Variants in ASB5 observed in about 807,000 individuals in gnomAD.
ASB5 encodes the protein ankyrin repeat and SOCS box protein 5.
ASB5 carries 45 observed loss-of-function variants against 42.1 expected under a neutral mutation model. The observed-to-expected ratio is 1.07, with a 90% confidence interval of 0.84 to 1.37. The LOEUF is 1.37. Among genes scored for constraint, ASB5 ranks in the 40% most tolerant of loss-of-function variants. ASB5 has a pLI of 0.00. For missense variants in ASB5, 402 were observed against 399.8 expected, an observed-to-expected ratio of 1.01 and a Z score of -0.05; for synonymous variants, 147 against 150.6, an observed-to-expected ratio of 0.98 and a Z score of 0.18.
chr4:176,272,049 C>A (rs1317514775), upstream of ASB5, among the ~76,000 whole-genome samples: 14 of 152,168 alleles, frequency 9.2e-5, no homozygotes, highest in East Asian at 2.5e-3. Context: ...CTCCAGTAAG[C>A]TGCATACATG....
chr4:176,262,209 G>A (rs1486674377), intron 1 of ASB5, among the ~76,000 whole-genome samples: 3 of 151,952 alleles, frequency 2.0e-5, no homozygotes, highest in South Asian at 2.1e-4. Flanking sequence ...ATTTTAAAAC[G>A]TTGACAATAT....
At chr4:176,226,829 G>A (rs947872173) in intron 1 of ASB5, among the ~76,000 whole-genome samples, 3 of 152,190 alleles carry the variant, frequency 2.0e-5, no homozygotes, top group East Asian at 1.9e-4. Flanking sequence ...TGGGCTCTGC[G>A]GTGTAGGGGC....
chr4:176,258,276 G>A (rs1396757813), intron 1 of ASB5, among the ~76,000 whole-genome samples: 1 of 152,122 alleles, frequency 6.6e-6, no homozygotes, highest in East Asian at 1.9e-4. Context: ...ATCTACAGAC[G>A]TTAAGCAACT....
At chr4:176,222,999 T>C (rs576082840) in intron 2 of ASB5, among the ~76,000 whole-genome samples, 7 of 152,166 alleles carry the variant, frequency 4.6e-5, no homozygotes, top group Admixed American at 2.6e-4. Context: ...AGGATGGTCT[T>C]GATCTCCTGA....
intron 4 of ASB5, 48 bp from the exon 5 acceptor site, chr4:176,221,337 C>T (rs34466424): frequency 0.2 from 326,882 of 1,606,184 alleles, 36,611 homozygotes; most frequent in Non-Finnish European, 0.23. Context: ...ATCCACCCCA[C>T]ACACCTCACC....
chr4:176,217,869 A>G (rs894710952), intron 5 of ASB5, among the ~76,000 whole-genome samples: 1 of 152,140 alleles, frequency 6.6e-6, no homozygotes, highest in Admixed American at 6.6e-5. Context: ...TTCCGATACT[A>G]TCTTTAAAAC....
Position 176,226,452 on chromosome 4 carries a change from C to T in ASB5, c.197-1111G>A, listed in dbSNP as rs1022928833. 3.3e-5 allele frequency among the ~76,000 whole-genome samples: 5 copies of T among 152,202 alleles called. No individual in the cohort carries two copies. The South Asian group carries it at 1.0e-3, about 32-fold the overall frequency. ...TTGGACTGAGCCACGCTACCTCATC[C>T]CAGGGTCTCCAGCTTGCAGACAGCC... On this transcript the variant is annotated intron_variant, in intron 1 of 6. Coordinates refer to ENST00000296525, the MANE Select transcript of ASB5 (RefSeq NM_080874.4).
intron 1 of ASB5, among the ~76,000 whole-genome samples, chr4:176,244,096 A>G (rs1327222955): frequency 1.3e-5 from 2 of 152,098 alleles, no homozygotes; most frequent in African/African-American, 4.8e-5. Context: ...CACCATTTCT[A>G]TGTTTCTTTG....
At chr4:176,232,244 A>G (rs1204025763) in intron 1 of ASB5, among the ~76,000 whole-genome samples, 1 of 151,400 alleles carries the variant, frequency 6.6e-6, no homozygotes, top group Non-Finnish European at 1.5e-5. Flanking sequence ...TGCCTCAGCC[A>G]CCCAAGTAGC....
At position 176,213,893 on chromosome 4, in the gene ASB5, C is replaced by CTT. The variant is rs958204140; in HGVS notation, c.*1705_*1706dup. 1.3e-5 allele frequency: 2 copies of CTT among 152,072 alleles called. No individual in the cohort carries two copies. Among genetic ancestry groups the CTT allele is most frequent in the Non-Finnish European group, 2.9e-5 (2 of 67,944 alleles). 9.4% of individuals were successfully genotyped at this position (152,072 alleles called of 1,614,324 possible). A position where few individuals can be genotyped will look rare whatever the true frequency, so the allele number is the denominator to read the frequency against. ...GTTGTATTACTCTTAAAATCTAAGA[C>CTT]TTCTCCTCTAGCTCAGGGAAAATAC... On this transcript the variant is annotated 3_prime_UTR_variant, in exon 7 of 7. Transcript: ENST00000296525.
chr4:176,234,570 G>A (rs1753636743), intron 1 of ASB5, among the ~76,000 whole-genome samples: 1 of 152,134 alleles, frequency 6.6e-6, no homozygotes, highest in Admixed American at 6.5e-5. Flanking sequence ...ACCTTAGAAA[G>A]CGAGACTCAG....
At chr4:176,244,220 C>T (rs1474852531) in intron 1 of ASB5, among the ~76,000 whole-genome samples, 2 of 152,078 alleles carry the variant, frequency 1.3e-5, no homozygotes, top group African/African-American at 4.8e-5. Context: ...AAATTTTATT[C>T]AGACTCAAGC....
intron 1 of ASB5, among the ~76,000 whole-genome samples, chr4:176,226,878 G>T (rs570937934): frequency 2.6e-5 from 4 of 152,206 alleles, no homozygotes; most frequent in Admixed American, 2.0e-4. Flanking sequence ...GCTGAGCCCC[G>T]CGTCTGAAGT....
chr4:176,258,553 G>T (rs763116117), intron 1 of ASB5, among the ~76,000 whole-genome samples: 1 of 152,158 alleles, frequency 6.6e-6, no homozygotes, highest in South Asian at 2.1e-4. Context: ...AGTTTTGACT[G>T]ATCTACTTTT....
At chr4:176,236,489 A>T (rs1306179541) in intron 1 of ASB5, among the ~76,000 whole-genome samples, 1 of 152,168 alleles carries the variant, frequency 6.6e-6, no homozygotes. Context: ...TATGTTGTTG[A>T]AAAGTAACAA....
intron 1 of ASB5, among the ~76,000 whole-genome samples, chr4:176,247,407 T>G (rs1482523432): frequency 1.3e-5 from 2 of 152,190 alleles, no homozygotes; most frequent in Non-Finnish European, 2.9e-5. Context: ...AATAGAAGAA[T>G]GTGGGAGATC....
chr4:176,223,695 G>T (rs1211354170), intron 2 of ASB5, among the ~76,000 whole-genome samples: 1 of 152,168 alleles, frequency 6.6e-6, no homozygotes, highest in African/African-American at 2.4e-5. Flanking sequence ...CCAGCAGTCA[G>T]ACCTGGGAAG....
intron 1 of ASB5, among the ~76,000 whole-genome samples, chr4:176,253,773 C>A (rs1312887559): frequency 6.6e-6 from 1 of 152,146 alleles, no homozygotes; most frequent in Non-Finnish European, 1.5e-5. Context: ...ATCAAGAACA[C>A]AATCTTGATT....
intron 1 of ASB5, among the ~76,000 whole-genome samples, chr4:176,226,095 G>A (rs145579970): frequency 6.6e-6 from 1 of 152,342 alleles, no homozygotes; most frequent in East Asian, 1.9e-4. Context: ...AGAACACCTA[G>A]AGAATGGGTA....
Sources: gnomAD v4.1 joint callset for allele counts (sites outside exome capture counted in the v4.1 genomes callset) on GRCh38, gnomAD v4.1.1 for gene constraint, MANE v1.5 for transcripts, NCBI Gene and HGNC (gene_info 2026-07-23, HGNC 2026-07-21) for gene names.